The following CLVS2 variants were observed in gnomAD, a reference collection of about 807,000 sequenced individuals.
CLVS2 encodes the protein clavesin-2.
CLVS2 carries 19 observed loss-of-function variants against 29.0 expected under a neutral mutation model. That is an observed-to-expected ratio of 0.66 (90% CI 0.46 to 0.96). The LOEUF is 0.96. Among genes scored for constraint, CLVS2 ranks in the 40% least tolerant of loss-of-function variants. The pLI is 0.00. For missense variants in CLVS2, 294 were observed against 404.1 expected (o/e 0.73, Z 2.34); for synonymous variants, 161 against 151.3 (o/e 1.06, Z -0.47).
At chr6:123,025,798 T>G (rs762055085) in intron 3 of CLVS2, among the ~76,000 whole-genome samples, 35 of 152,148 alleles carry the variant, frequency 2.3e-4, no homozygotes, top group Non-Finnish European at 4.3e-4. Context: ...GAGCTTTCTG[T>G]GGAGTTTCCT....
chr6:123,049,939 A>C (rs1359541462), intron 4 of CLVS2, among the ~76,000 whole-genome samples: 1 of 152,194 alleles, frequency 6.6e-6, no homozygotes, highest in South Asian at 2.1e-4. Context: ...CTAAAACTTA[A>C]AGTATAATTT....
chr6:123,031,797 T>A (rs1775087138), intron 3 of CLVS2, among the ~76,000 whole-genome samples: 1 of 145,476 alleles, frequency 6.9e-6, no homozygotes, highest in African/African-American at 2.5e-5. Flanking sequence ...AGTAGTACCT[T>A]TTTTTTTTTT....
intron 3 of CLVS2, among the ~76,000 whole-genome samples, chr6:123,041,671 G>A (rs952147690): frequency 1.5e-4 from 23 of 152,040 alleles, no homozygotes; most frequent in African/African-American, 5.3e-4. Flanking sequence ...AATAGTAATG[G>A]CAGAAAGGAT....
At chr6:123,042,835 A>T (rs1775253575) in intron 3 of CLVS2, among the ~76,000 whole-genome samples, 1 of 152,194 alleles carries the variant, frequency 6.6e-6, no homozygotes, top group African/African-American at 2.4e-5. Flanking sequence ...CTTCTAGAAG[A>T]TGAATAAGAC....
chr6:123,012,442 G>A lies in CLVS2; in HGVS notation c.564+1283G>A, dbSNP rs75146672. On this transcript the variant is annotated intron_variant, in intron 3 of 5. Transcript: ENST00000275162. ...TGTCTTCTCTTTGCACTAGAGCTAG[G>A]CTAGGCCTTCAGCTCCTGAAGGACT... Among the ~76,000 whole-genome samples the A allele has an allele frequency of 1.9e-3, 288 of 151,648 alleles. 7 individuals carry two copies. The East Asian group carries it at 0.055, about 29-fold the overall frequency.
chr6:123,039,055 A>G (rs1006167308), intron 3 of CLVS2, among the ~76,000 whole-genome samples: 4 of 152,146 alleles, frequency 2.6e-5, no homozygotes, highest in South Asian at 4.1e-4. Context: ...ATTAAATTCA[A>G]TCTTGGCTAG....
At position 122,997,593 on chromosome 6, in the gene CLVS2, T is replaced by C; in HGVS notation, c.-185T>C. 2.7e-5 allele frequency: 14 copies of C among 520,278 alleles called. No homozygotes were observed. Among genetic ancestry groups the C allele is most frequent in the East Asian group, 1.1e-4 (3 of 28,342 alleles). 32.2% of individuals were successfully genotyped at this position (520,278 alleles called of 1,614,324 possible). ...GTTTACACCCCCCGGCCCCCCCAGC[T>C]TTGCTGGGGGAAAGCAGGAGCAACA... On this transcript the variant is annotated 5_prime_UTR_variant, in exon 2 of 6. Coordinates refer to ENST00000275162, the MANE Select transcript of CLVS2 (RefSeq NM_001010852.4).
At chr6:123,012,770 G>A (rs1367259816) in intron 3 of CLVS2, among the ~76,000 whole-genome samples, 1 of 151,864 alleles carries the variant, frequency 6.6e-6, no homozygotes, top group Non-Finnish European at 1.5e-5. Flanking sequence ...CTGCACATTT[G>A]GAGCTGCCTT....
intron 3 of CLVS2, among the ~76,000 whole-genome samples, chr6:123,041,458 ATTAACT>A (rs2114346422): frequency 6.6e-6 from 1 of 152,254 alleles, no homozygotes; most frequent in African/African-American, 2.4e-5. Context: ...ATTATCTCTA[ATTAACT>A]TTAAAACAGC....
intron 3 of CLVS2, among the ~76,000 whole-genome samples, chr6:123,026,943 A>G (rs1206839661): frequency 6.6e-6 from 1 of 152,208 alleles, no homozygotes; most frequent in African/African-American, 2.4e-5. Context: ...TGTTATTAAA[A>G]TCAATTCAAC....
intron 2 of CLVS2, among the ~76,000 whole-genome samples, chr6:123,010,385 G>T (rs897191143): frequency 6.6e-6 from 1 of 151,952 alleles, no homozygotes; most frequent in African/African-American, 2.4e-5. Context: ...AACAAAAAAA[G>T]ATCCAACCCT....
chr6:123,003,162 G>T (rs547509154), intron 2 of CLVS2, among the ~76,000 whole-genome samples: 2 of 152,264 alleles, frequency 1.3e-5, no homozygotes, highest in South Asian at 2.1e-4. Flanking sequence ...AAATAATCCC[G>T]AAATAACAGC....
chr6:123,001,713 G>C (rs1774591491), intron 2 of CLVS2, among the ~76,000 whole-genome samples: 1 of 152,158 alleles, frequency 6.6e-6, no homozygotes, highest in Admixed American at 6.5e-5. Context: ...CCTTCAAATG[G>C]TTCGCAGGAT....
chr6:122,999,906 G>A (rs909268419), intron 2 of CLVS2, among the ~76,000 whole-genome samples: 2 of 152,076 alleles, frequency 1.3e-5, no homozygotes, highest in African/African-American at 4.8e-5. Flanking sequence ...TAAGATGAAA[G>A]TCACTTATAG....
chr6:123,017,222 TTGCAG>T (rs1474594605), intron 3 of CLVS2, among the ~76,000 whole-genome samples: 4 of 152,144 alleles, frequency 2.6e-5, no homozygotes, highest in African/African-American at 9.6e-5. Context: ...ACAGTGTTCT[TTGCAG>T]TGGTTGTTAA....
intron 2 of CLVS2, among the ~76,000 whole-genome samples, chr6:123,004,457 T>G (rs1774634652): frequency 6.6e-6 from 1 of 152,206 alleles, no homozygotes; most frequent in African/African-American, 2.4e-5. Context: ...GAGTTCATAT[T>G]TATTCCAGGG....
At chr6:123,013,160 G>A (rs1004726339) in intron 3 of CLVS2, among the ~76,000 whole-genome samples, 2 of 151,934 alleles carry the variant, frequency 1.3e-5, no homozygotes, top group African/African-American at 4.8e-5. Context: ...TTTAAATCAA[G>A]TCACTGTTTT....
chr6:123,069,356 T>C lies in CLVS2; in HGVS notation c.*5595T>C, dbSNP rs776621632. 4.7e-5 allele frequency: 7 copies of C among 149,872 alleles called. No homozygotes were observed. The highest frequency in any genetic ancestry group is 8.9e-5 in the Non-Finnish European group (6 of 67,208). 9.3% of individuals were successfully genotyped at this position (149,872 alleles called of 1,614,324 possible). ...CCCAGGTCAAAATATGATGTGAAATTAAAAAAAAAATTCAGCCTGATTTGA... is the reference window on the plus strand; with the variant it reads ...CCCAGGTCAAAATATGATGTGAAATCAAAAAAAAAATTCAGCCTGATTTGA... On this transcript the variant is annotated 3_prime_UTR_variant, in exon 6 of 6. Transcript: ENST00000275162.
At chr6:123,061,943 A>G (rs1772786263) in intron 5 of CLVS2, among the ~76,000 whole-genome samples, 1 of 151,980 alleles carries the variant, frequency 6.6e-6, no homozygotes, top group Non-Finnish European at 1.5e-5. Context: ...TATTATCCTC[A>G]TTACTCTTCA....
Sources: gnomAD v4.1 joint callset for allele counts (sites outside exome capture counted in the v4.1 genomes callset) on GRCh38, gnomAD v4.1.1 for gene constraint, MANE v1.5 for transcripts, NCBI Gene and HGNC (gene_info 2026-07-23, HGNC 2026-07-21) for gene names.